The following KHDC1 variants were observed in gnomAD, a reference collection of about 807,000 sequenced individuals.
KHDC1 encodes the protein KH homology domain-containing protein 1.
Under a neutral mutation model 24.7 loss-of-function variants are expected in KHDC1, and 21 were observed. That is an observed-to-expected ratio of 0.85 (90% confidence interval 0.60 to 1.23). The LOEUF (loss-of-function observed/expected upper bound fraction) is 1.23. KHDC1 is among the 50% of genes most tolerant of loss of function. The probability of loss-of-function intolerance (pLI) is 0.00; values close to 1 mark genes in which losing one functional copy is unlikely to be tolerated. For synonymous variants in KHDC1, 98 were observed against 111.7 expected (o/e 0.88, Z 0.77); for missense variants, 274 against 298.5 (o/e 0.92, Z 0.61).
chr6:73,262,903 C>G (rs1327107764), intron 2 of KHDC1: 1 of 986,748 alleles, frequency 1.0e-6, no homozygotes, highest in Non-Finnish European at 1.2e-6. Flanking sequence ...CGCCGGGAAC[C>G]CAGGCTTCTC....
At chr6:73,284,734 G>A (rs566248189) in intron 2 of KHDC1, 1 of 152,188 alleles carries the variant, frequency 6.6e-6, no homozygotes, top group South Asian at 2.1e-4. Context: ...TCAAACTCCA[G>A]GTATGCTCTT....
At chr6:73,295,309 T>C (rs1294485564) in intron 1 of KHDC1, among the ~76,000 whole-genome samples, 1 of 152,178 alleles carries the variant, frequency 6.6e-6, no homozygotes, top group Non-Finnish European at 1.5e-5. Flanking sequence ...GCATCATGCT[T>C]CCTGTACATC....
At chr6:73,255,038 A>T (rs908109410) in intron 2 of KHDC1, among the ~76,000 whole-genome samples, 2 of 151,860 alleles carry the variant, frequency 1.3e-5, no homozygotes, top group African/African-American at 4.8e-5. Context: ...GTTTCCTACA[A>T]GAAATGATAC....
At chr6:73,270,982 GC>G (rs1359871943) in intron 2 of KHDC1, among the ~76,000 whole-genome samples, 2 of 151,874 alleles carry the variant, frequency 1.3e-5, no homozygotes, top group African/African-American at 2.4e-5. Flanking sequence ...GAGCCACCGC[GC>G]CCGGCCTGTT....
At chr6:73,258,051 T>C (rs1238217768) in intron 2 of KHDC1, among the ~76,000 whole-genome samples, 2 of 151,824 alleles carry the variant, frequency 1.3e-5, no homozygotes, top group Non-Finnish European at 2.9e-5. Context: ...AGCTCAGGAG[T>C]TCGAGACCAG....
intron 2 of KHDC1, among the ~76,000 whole-genome samples, chr6:73,277,863 C>CA (rs35501040): frequency 0.1 from 13,260 of 131,530 alleles, 760 homozygotes; most frequent in African/African-American, 0.17. Context: ...GATCGTGTCT[C>CA]AAAAAAAAAA....
intron 2 of KHDC1, among the ~76,000 whole-genome samples, chr6:73,266,728 C>T (rs1297547433): frequency 6.6e-6 from 1 of 152,114 alleles, no homozygotes; most frequent in Non-Finnish European, 1.5e-5. Flanking sequence ...ACTCCAAAAG[C>T]ATATGCAACA....
Position 73,263,199 on chromosome 6 carries a change from CG to C in KHDC1, c.207-20670del. The C allele has an allele frequency of 1.0e-6, 1 of 987,060 alleles. No individual in the cohort carries two copies. The highest frequency in any genetic ancestry group is 1.2e-6 in the Non-Finnish European group (1 of 830,818). The allele number at this position is 987,060 out of a possible 1,614,324, so 61.1% of individuals were successfully genotyped here. ...GCGAGGCGCGCTCGAGCGGAAGTGG[CG>C]GCGACCCCGCCGGAAGCGCGCGGCT... is the stretch of plus-strand genomic sequence containing the variant. On this transcript the variant is annotated intron_variant, in intron 2 of 4. Coordinates refer to ENST00000370384, the Ensembl canonical transcript of KHDC1.
chr6:73,241,361 C>T, exon 5 of KHDC1: 1 of 624,656 alleles, frequency 1.6e-6, no homozygotes, highest in South Asian at 1.9e-5. Context: ...GCCAATAACA[C>T]TTTCTTACAT....
intron 2 of KHDC1, among the ~76,000 whole-genome samples, chr6:73,262,142 AC>A (rs1047821482): frequency 4.0e-4 from 60 of 151,476 alleles, no homozygotes; most frequent in African/African-American, 1.4e-3. Flanking sequence ...TTTGCCACTT[AC>A]GGTGTAACCT....
chr6:73,298,068 G>T (rs549029476), intron 1 of KHDC1, among the ~76,000 whole-genome samples: 1 of 151,992 alleles, frequency 6.6e-6, no homozygotes, highest in East Asian at 1.9e-4. Context: ...GGGCATGCCC[G>T]TATTCCCAGC....
chr6:73,290,202 G>A (rs866414504), intron 2 of KHDC1, among the ~76,000 whole-genome samples: 6 of 151,246 alleles, frequency 4.0e-5, no homozygotes, highest in Non-Finnish European at 7.4e-5. Flanking sequence ...GCTTGAACCC[G>A]GGAGGCAGAA....
Position 73,280,341 on chromosome 6 carries a change from TTTG to T in KHDC1, c.206+11654_206+11656del, listed in dbSNP as rs377338635. Among the ~76,000 whole-genome samples, 464 of 151,352 alleles carry T rather than the reference TTTG, an allele frequency of 3.1e-3. 5 individuals are homozygous for T. Among genetic ancestry groups the T allele is most frequent in the African/African-American group, 0.01 (432 of 41,274 alleles). ...CTCGGCTAATGTTTGTATTTTATTT[TTTG>T]TAGAAATGGGGTTTTGCCATGTTGT... On this transcript the variant is annotated intron_variant, in intron 2 of 4. Coordinates refer to ENST00000370384, the Ensembl canonical transcript of KHDC1.
At chr6:73,305,245 A>G (rs998926416) in intron 1 of KHDC1, among the ~76,000 whole-genome samples, 2 of 151,926 alleles carry the variant, frequency 1.3e-5, no homozygotes, top group African/African-American at 4.8e-5. Context: ...CCATCTCAAA[A>G]ATATATATAT....
chr6:73,262,702 A>T, intron 2 of KHDC1, 72 bp downstream of exon 1: 1 of 981,088 alleles, frequency 1.0e-6, no homozygotes, highest in Non-Finnish European at 1.2e-6. Context: ...TTTGCAGCTC[A>T]CTTTCCTTAT....
intron 2 of KHDC1, among the ~76,000 whole-genome samples, chr6:73,291,563 G>A (rs377124068): frequency 1.3e-5 from 2 of 152,048 alleles, no homozygotes; most frequent in Admixed American, 6.6e-5. Flanking sequence ...CTAACTTCAA[G>A]CAATCCTTCT....
intron 2 of KHDC1, chr6:73,276,500 TATTTAA>T (rs1217505206): frequency 5.8e-5 from 2 of 34,404 alleles, no homozygotes; most frequent in Non-Finnish European, 2.7e-4. Flanking sequence ...AAAAGAAAAG[TATTTAA>T]AAAAAAAAAA....
chr6:73,307,576 C>A (rs1210016624), intron 1 of KHDC1, among the ~76,000 whole-genome samples: 1 of 152,192 alleles, frequency 6.6e-6, no homozygotes, highest in Non-Finnish European at 1.5e-5. Flanking sequence ...ATGGCACAAA[C>A]AGAACTGGGG....
intron 2 of KHDC1, among the ~76,000 whole-genome samples, chr6:73,249,957 T>C (rs1466549776): frequency 6.6e-6 from 1 of 152,188 alleles, no homozygotes; most frequent in Admixed American, 6.5e-5. Context: ...TTAACAAATA[T>C]GCACTCAAAT....
Sources: gnomAD v4.1 joint callset for allele counts (sites outside exome capture counted in the v4.1 genomes callset) on GRCh38, gnomAD v4.1.1 for gene constraint, MANE v1.5 for transcripts, NCBI Gene and HGNC (gene_info 2026-07-23, HGNC 2026-07-21) for gene names.